PNPLA8: variants seen among roughly 807,000 people sequenced by gnomAD.
PNPLA8 encodes patatin like domain 8, phospholipase A2.
Under a neutral mutation model 76.9 loss-of-function variants are expected in PNPLA8, and 39 were observed. The observed-to-expected ratio is 0.51, with a 90% CI of 0.39 to 0.66. PNPLA8 has a LOEUF of 0.66. PNPLA8 is among the 30% of genes least tolerant of loss of function. The pLI is 0.00. For synonymous variants in PNPLA8, 301 were observed against 307.9 expected (o/e 0.98, Z 0.24); for missense variants, 887 against 918.0 (o/e 0.97, Z 0.44).
chr7:108,507,822 C>T (rs1450097870), intron 4 of PNPLA8, among the ~76,000 whole-genome samples: 1 of 151,366 alleles, frequency 6.6e-6, no homozygotes, highest in Non-Finnish European at 1.5e-5. Context: ...AAAACTTATC[C>T]ACCATGATCA....
chr7:108,516,343 G>A, intron 2 of PNPLA8, among the ~76,000 whole-genome samples: 1 of 152,172 alleles, frequency 6.6e-6, no homozygotes, highest in East Asian at 1.9e-4. Flanking sequence ...TTTGACAAAA[G>A]AGCAAAGGTA....
At chr7:108,527,814 G>A (rs1864144275), upstream of PNPLA8, 1 of 150,508 alleles carries the variant, frequency 6.6e-6, no homozygotes, top group Admixed American at 6.6e-5. Flanking sequence ...GGACTCAGCA[G>A]GCCTAAGACA....
At chr7:108,493,409 TTA>T (rs150012860) in intron 7 of PNPLA8, among the ~76,000 whole-genome samples, 1 of 151,570 alleles carries the variant, frequency 6.6e-6, no homozygotes, top group Non-Finnish European at 1.5e-5. Context: ...GATATGAATT[TTA>T]TATATATATA....
chr7:108,524,377 G>A (rs539181868), intron 1 of PNPLA8, among the ~76,000 whole-genome samples: 1 of 152,204 alleles, frequency 6.6e-6, no homozygotes, highest in South Asian at 2.1e-4. Flanking sequence ...CCCAGAGCTA[G>A]GAAGAGGAAG....
intron 4 of PNPLA8, among the ~76,000 whole-genome samples, chr7:108,511,654 C>A (rs1159694532): frequency 6.6e-6 from 1 of 151,970 alleles, no homozygotes; most frequent in Non-Finnish European, 1.5e-5. Context: ...TGAAGGACTG[C>A]GTTATATTTT....
At chr7:108,483,409 G>A (rs1471575458) in intron 9 of PNPLA8, among the ~76,000 whole-genome samples, 3 of 152,172 alleles carry the variant, frequency 2.0e-5, no homozygotes, top group South Asian at 4.1e-4. Context: ...TAGCATGGGT[G>A]GTTTGTTGCC....
rs1863532169 is a variant in PNPLA8 at position 108,518,753 on chromosome 7, A to ATC, written c.-84+2722_-84+2723insGA. Reference sequence around the variant, plus strand: ...TATATATATATATATATATATATATATATATACACACACACACACACATAT... The same window carrying ATC: ...TATATATATATATATATATATATATATCTATATACACACACACACACACATAT... On this transcript the variant is annotated intron_variant, in intron 2 of 10. Transcript: ENST00000257694. Among the ~76,000 whole-genome samples, 6 of 128,916 alleles carry ATC rather than the reference A, an allele frequency of 4.7e-5. No homozygotes were observed. The South Asian group carries it at 1.4e-3, about 29-fold the overall frequency. 84.6% of individuals were successfully genotyped at this position (128,916 alleles called of 152,430 possible).
intron 5 of PNPLA8, among the ~76,000 whole-genome samples, chr7:108,500,727 T>C (rs1057241510): frequency 9.9e-5 from 15 of 152,162 alleles, no homozygotes; most frequent in African/African-American, 2.7e-4. Flanking sequence ...CTTGCCAACA[T>C]GGTGAAACCC....
intron 5 of PNPLA8, among the ~76,000 whole-genome samples, chr7:108,500,017 T>G (rs1254756709): frequency 1.3e-5 from 2 of 152,364 alleles, no homozygotes; most frequent in East Asian, 3.9e-4. Flanking sequence ...TTGCTTTATT[T>G]TTCTTCATAG....
rs1861764926 is a variant in PNPLA8 at position 108,499,094 on chromosome 7, G to T, written c.1359-1517C>A. On this transcript the variant is annotated intron_variant, in intron 5 of 10. Coordinates refer to ENST00000257694, the MANE Select transcript of PNPLA8 (RefSeq NM_001256007.3). Reference sequence around the variant, plus strand: ...TTATTAATTCAAGACAAGACATGATGAATTAAATGTAATGCTGGATAAAAT... The same window carrying T: ...TTATTAATTCAAGACAAGACATGATTAATTAAATGTAATGCTGGATAAAAT... 3.3e-5 allele frequency among the ~76,000 whole-genome samples: 5 copies of T among 152,074 alleles called. No individual in the cohort carries two copies. The South Asian group carries it at 1.0e-3, about 32-fold the overall frequency.
intron 9 of PNPLA8, chr7:108,480,638 C>G (rs1860326577): frequency 3.2e-6 from 1 of 311,656 alleles, no homozygotes; most frequent in African/African-American, 2.2e-5. Flanking sequence ...AGTTCAGTCT[C>G]CCACATATAG....
chr7:108,510,241 T>C (rs1598948415), intron 4 of PNPLA8: 2 of 1,398,574 alleles, frequency 1.4e-6, no homozygotes, highest in Non-Finnish European at 2.0e-6. Context: ...CCATGGTGGG[T>C]GTAGAAGAGA....
chr7:108,497,443 G>T, intron 6 of PNPLA8, 40 bp downstream of exon 6: 3 of 1,278,928 alleles, frequency 2.3e-6, no homozygotes, highest in Non-Finnish European at 3.4e-6. Flanking sequence ...TTTCCTTAAT[G>T]TACTGCCAGA....
rs564591253 is a variant in PNPLA8, at chr7:108,506,660, G to A, written c.1207-4018C>T. 3.4e-4 allele frequency among the ~76,000 whole-genome samples: 52 copies of A among 151,486 alleles called. No individual in the cohort carries two copies. The East Asian group carries it at 9.3e-3, about 27-fold the overall frequency. ...AATGTCTAGCAATAGAGGGAAAAAT[G>A]AAAAGTATACCCAACAATATAGAAG... On this transcript the variant is annotated intron_variant, in intron 4 of 10. Transcript: ENST00000257694.
In PNPLA8 at chr7:108,515,370, A is replaced by C; in HGVS notation, c.122T>G (p.Ile41Arg). ...ACCTCTTTGTAGACTGATGTGGCTT[A>C]TCCTCCAGTAATGCTTAGGTGAGAA... ...FLFSPKHYWR[I>R]SHISLQRGFH... The change falls in exon 3 of 11, where the codon ATA (isoleucine) becomes AGA (arginine). Residue 41 changes from isoleucine (I) to arginine (R), a missense_variant. Transcript: ENST00000257694. 1 of 1,613,526 alleles carries C rather than the reference A, an allele frequency of 6.2e-7. No homozygotes were observed. The highest frequency in any genetic ancestry group is 8.5e-7 in the Non-Finnish European group (1 of 1,179,662).
At chr7:108,506,568 C>T (rs1315217384) in intron 4 of PNPLA8, among the ~76,000 whole-genome samples, 1 of 152,058 alleles carries the variant, frequency 6.6e-6, no homozygotes, top group African/African-American at 2.4e-5. Context: ...AAACGAAGAC[C>T]TATGTTTTCC....
chr7:108,477,087 T>C (rs1438580054), intron 10 of PNPLA8, among the ~76,000 whole-genome samples: 1 of 152,244 alleles, frequency 6.6e-6, no homozygotes, highest in Non-Finnish European at 1.5e-5. Flanking sequence ...AATAACAATG[T>C]ATTAAGTTTT....
Position 108,514,684 on chromosome 7 carries a change from T to C in PNPLA8, c.808A>G (p.Thr270Ala), listed in dbSNP as rs146415911. 305 of 1,613,924 alleles carry C rather than the reference T, an allele frequency of 1.9e-4. No homozygotes were observed. Among genetic ancestry groups the C allele is most frequent in the Non-Finnish European group, 2.4e-4 (281 of 1,179,922 alleles). Residue 270 changes from threonine to alanine, a missense_variant, in exon 3 of 11, where the codon ACA becomes GCA. Physicochemically the swap from Thr to Ala is moderately conservative, Grantham distance 58 (BLOSUM62 0). Transcript: ENST00000257694. ...ACATCAGGTATCGCAGAAGGACTTGTAGGCTTGTCCACCGTATGTACAGAT... is the reference window on the plus strand; with the variant it reads ...ACATCAGGTATCGCAGAAGGACTTGCAGGCTTGTCCACCGTATGTACAGAT... ...SESVHTVDKP[T>A]SPSAIPDVLQ...
At chr7:108,488,458 C>A (rs1860908434) in intron 8 of PNPLA8, among the ~76,000 whole-genome samples, 1 of 152,058 alleles carries the variant, frequency 6.6e-6, no homozygotes, top group Admixed American at 6.6e-5. Flanking sequence ...AGGTGCCTTC[C>A]AGCTACTCGG....
Sources: allele counts gnomAD v4.1 joint callset (sites outside exome capture counted in the v4.1 genomes callset), GRCh38; gene constraint gnomAD v4.1.1; transcripts MANE v1.5; gene names NCBI Gene and HGNC (gene_info 2026-07-23, HGNC 2026-07-21).